Variants in WDR89 observed in about 807,000 individuals in gnomAD.
WDR89 encodes WD repeat-containing protein 89.
WDR89 carries 17 observed loss-of-function variants against 29.1 expected under a neutral mutation model. The ratio of observed to expected loss-of-function variants is 0.58; its 90% CI spans 0.40 to 0.88. The LOEUF is 0.88. Among genes scored for constraint, WDR89 ranks in the 40% least tolerant of loss-of-function variants. The pLI, the probability that WDR89 is intolerant of heterozygous loss-of-function variation, is 0.00. For synonymous variants in WDR89, 138 were observed against 157.8 expected (o/e 0.87, Z 0.94); for missense variants, 396 against 456.3 (o/e 0.87, Z 1.20).
chr14:63,626,392 C>T (rs1883048717), intron 1 of WDR89, among the ~76,000 whole-genome samples: 1 of 151,924 alleles, frequency 6.6e-6, no homozygotes, highest in South Asian at 2.1e-4. Flanking sequence ...CAACCTCAGC[C>T]GGGCGTGGTG....
intron 2 of WDR89, among the ~76,000 whole-genome samples, chr14:63,620,412 C>T (rs1455229022): frequency 6.6e-6 from 1 of 152,048 alleles, no homozygotes; most frequent in African/African-American, 2.4e-5. Context: ...AAATCTAAAA[C>T]AGTCAAACCC....
Position 63,599,258 on chromosome 14 carries a change from AACCTTTCC to A in WDR89, c.677_684del (p.Gly226ValfsTer2). On this transcript the variant is annotated frameshift_variant, in exon 3 of 3. Coordinates refer to ENST00000620954, the MANE Select transcript of WDR89 (RefSeq NM_080666.4). LOFTEE classifies it high-confidence loss of function. ...TGTGTCATGCAGTAAATCTGTTTAT[AACCTTTCC>A]CAGACCAACCAATACAGCTTACTGA... 1 of 1,611,338 alleles carries A rather than the reference AACCTTTCC, an allele frequency of 6.2e-7. No individual in the cohort carries two copies. The highest frequency in any genetic ancestry group is 1.1e-5 in the South Asian group (1 of 90,748).
chr14:63,602,664 C>A (rs12881318), intron 2 of WDR89, among the ~76,000 whole-genome samples: 1 of 150,470 alleles, frequency 6.6e-6, no homozygotes, highest in South Asian at 2.1e-4. Flanking sequence ...CCCAGCTACT[C>A]GGGAGGCTGA....
At chr14:63,601,596 A>G (rs949942414) in intron 2 of WDR89, 10 of 1,612,742 alleles carry the variant, frequency 6.2e-6, no homozygotes, top group Non-Finnish European at 8.5e-6. Context: ...CAAAGGAGGC[A>G]TTATGCTTCC....
rs149517297 is a variant in WDR89, at chr14:63,619,648, T to A, written c.-32+5280A>T. On this transcript the variant is annotated intron_variant, in intron 2 of 2. Coordinates refer to ENST00000620954, the MANE Select transcript of WDR89 (RefSeq NM_080666.4). ...CCTCAAAACAGAAGACAACAAGTAT[T>A]GGCAAAAATGTAAAGAAACTATAGT... Among the ~76,000 whole-genome samples, 150 of 152,246 alleles carry A rather than the reference T, an allele frequency of 9.9e-4. 4 individuals carry two copies. In the East Asian group the frequency reaches 0.02, roughly 21 times the overall value.
chr14:63,624,054 A>G (rs1350782046), intron 2 of WDR89, among the ~76,000 whole-genome samples: 1 of 152,222 alleles, frequency 6.6e-6, no homozygotes, highest in Non-Finnish European at 1.5e-5. Context: ...TTATAAGAGA[A>G]AAAAGGGAAT....
intron 2 of WDR89, among the ~76,000 whole-genome samples, chr14:63,619,433 A>G (rs1490938984): frequency 6.6e-6 from 1 of 152,192 alleles, no homozygotes; most frequent in African/African-American, 2.4e-5. Flanking sequence ...ATGCAATTTT[A>G]AAGAGACAGA....
At position 63,608,823 on chromosome 14, in the gene WDR89, C is replaced by T. The variant is rs558346376; in HGVS notation, c.-31-8850G>A. Among the ~76,000 whole-genome samples, 257 of 152,010 alleles carry T rather than the reference C, an allele frequency of 1.7e-3. 3 individuals carry two copies. In the South Asian group the frequency reaches 0.029, roughly 17 times the overall value. ...ATATAGGAAGACAGGTGGCTGGGTG[C>T]GGTGCCTCGGTGGCTCACGCCTATA... On this transcript the variant is annotated intron_variant, in intron 2 of 2. Coordinates refer to ENST00000620954, the MANE Select transcript of WDR89 (RefSeq NM_080666.4).
At chr14:63,626,364 G>GA (rs1883046711) in intron 1 of WDR89, among the ~76,000 whole-genome samples, 1 of 151,946 alleles carries the variant, frequency 6.6e-6, no homozygotes, top group Non-Finnish European at 1.5e-5. Context: ...TAATGAACAA[G>GA]AAACGTAAAA....
In WDR89 at chr14:63,620,019, A is replaced by G. The variant is rs565950893; in HGVS notation, c.-32+4909T>C. On this transcript the variant is annotated intron_variant, in intron 2 of 2. Coordinates refer to ENST00000620954, the MANE Select transcript of WDR89 (RefSeq NM_080666.4). ...GACTCCATCTCAAAAAAAAAAAAAAAAAAAAGAAAAAGAAGAAATCAGTAT... is the reference window on the plus strand; with the variant it reads ...GACTCCATCTCAAAAAAAAAAAAAAGAAAAAGAAAAAGAAGAAATCAGTAT... 6.6e-5 allele frequency among the ~76,000 whole-genome samples: 10 copies of G among 151,692 alleles called. 1 individual carries two copies. Among genetic ancestry groups the G allele is most frequent in the Admixed American group, 2.0e-4 (3 of 15,254 alleles).
chr14:63,621,511 T>C (rs951586158), intron 2 of WDR89, among the ~76,000 whole-genome samples: 1 of 152,002 alleles, frequency 6.6e-6, no homozygotes, highest in Non-Finnish European at 1.5e-5. Flanking sequence ...AGCAGGAGAA[T>C]CGCCTGAACC....
intron 2 of WDR89, among the ~76,000 whole-genome samples, chr14:63,606,223 C>T (rs986737755): frequency 4.6e-5 from 7 of 152,254 alleles, no homozygotes; most frequent in African/African-American, 1.4e-4. Flanking sequence ...GGTGAGATTA[C>T]AGGCATGAGC....
intron 2 of WDR89, among the ~76,000 whole-genome samples, chr14:63,600,328 C>T (rs1045313516): frequency 1.3e-5 from 2 of 151,388 alleles, no homozygotes; most frequent in African/African-American, 2.4e-5. Flanking sequence ...ACCCCCCCGC[C>T]GTCTCTTCAA....
chr14:63,641,416 G>A (rs550669992), intron 1 of WDR89: 2 of 152,340 alleles, frequency 1.3e-5, no homozygotes, highest in South Asian at 2.1e-4. Context: ...GCCTACAAAA[G>A]GATTATACTA....
At chr14:63,604,360 C>T (rs1467475494) in intron 2 of WDR89, among the ~76,000 whole-genome samples, 1 of 151,958 alleles carries the variant, frequency 6.6e-6, no homozygotes, top group Non-Finnish European at 1.5e-5. Context: ...TTGCAATGAG[C>T]CAAGATCATG....
chr14:63,603,286 C>T (rs887525500), intron 2 of WDR89, among the ~76,000 whole-genome samples: 2 of 151,260 alleles, frequency 1.3e-5, no homozygotes, highest in Non-Finnish European at 2.9e-5. Context: ...ACACACACAC[C>T]CCACTGCTTT....
chr14:63,603,717 A>G (rs1023743834), intron 2 of WDR89, among the ~76,000 whole-genome samples: 11 of 152,186 alleles, frequency 7.2e-5, no homozygotes, highest in African/African-American at 2.7e-4. Flanking sequence ...ATAGGACCCC[A>G]TCAGTCTGTA....
chr14:63,599,981 A>T lies in WDR89; in HGVS notation c.-31-8T>A, dbSNP rs1894985228. On this transcript the variant is annotated splice_polypyrimidine_tract_variant and splice_region_variant and intron_variant, in intron 2 of 2. Transcript: ENST00000620954. ...TCCAAGGGTAGTAAAACTCTGTAAA[A>T]AATAATAATAATAAAAATAAAAATT... 3 of 1,333,600 alleles carry T rather than the reference A, an allele frequency of 2.2e-6. No homozygotes were observed. Among genetic ancestry groups the T allele is most frequent in the African/African-American group, 1.5e-5 (1 of 65,854 alleles). 82.6% of individuals were successfully genotyped at this position (1,333,600 alleles called of 1,614,324 possible). A position where few individuals can be genotyped will look rare whatever the true frequency, so the allele number is the denominator to read the frequency against.
intron 2 of WDR89, among the ~76,000 whole-genome samples, chr14:63,621,466 C>T (rs937166863): frequency 3.9e-5 from 6 of 152,022 alleles, no homozygotes; most frequent in African/African-American, 1.4e-4. Flanking sequence ...GGTATGGTGG[C>T]AGGCACCTGT....
Sources: gnomAD v4.1 joint callset for allele counts (sites outside exome capture counted in the v4.1 genomes callset) on GRCh38, gnomAD v4.1.1 for gene constraint, MANE v1.5 for transcripts, NCBI Gene and HGNC (gene_info 2026-07-23, HGNC 2026-07-21) for gene names.